Variants in ABCC1 observed in about 807,000 individuals in gnomAD.
ABCC1 encodes the protein multidrug resistance-associated protein 1.
Under a neutral mutation model 172.9 loss-of-function variants are expected in ABCC1, and 83 were observed. The ratio of observed to expected loss-of-function variants is 0.48; its 90% CI spans 0.40 to 0.58. ABCC1 has a LOEUF of 0.58. Ranked by LOEUF, ABCC1 falls within the 20% of genes least tolerant of loss-of-function variation. The pLI is 0.00. For synonymous variants in ABCC1, 937 were observed against 825.2 expected, an observed-to-expected ratio of 1.14 and a Z score of -2.32; for missense variants, 1,817 against 2,002.7, an observed-to-expected ratio of 0.91 and a Z score of 1.77.
At chr16:15,981,086 A>G (rs796966743) in intron 1 of ABCC1, among the ~76,000 whole-genome samples, 18 of 152,332 alleles carry the variant, frequency 1.2e-4, no homozygotes, top group African/African-American at 4.3e-4. Context: ...GGTCATGCTT[A>G]TGCGAGAGGT....
At chr16:15,955,815 C>G (rs183817400) in intron 1 of ABCC1, among the ~76,000 whole-genome samples, 2 of 152,264 alleles carry the variant, frequency 1.3e-5, no homozygotes, top group East Asian at 1.9e-4. Flanking sequence ...ACCAAAAGAT[C>G]GGCTCCATAG....
intron 5 of ABCC1, among the ~76,000 whole-genome samples, chr16:16,028,558 G>C (rs79314289): frequency 5.9e-5 from 9 of 152,028 alleles, no homozygotes; most frequent in Non-Finnish European, 1.3e-4. Flanking sequence ...TAACCCACCC[G>C]CCGACTGTGG....
intron 15 of ABCC1, among the ~76,000 whole-genome samples, chr16:16,078,724 C>A (rs1405439728): frequency 6.6e-6 from 1 of 152,152 alleles, no homozygotes; most frequent in African/African-American, 2.4e-5. Context: ...TTGCCCAGAT[C>A]GGAGTGCAGT....
chr16:16,088,613 A>G (rs1034647006), intron 18 of ABCC1, among the ~76,000 whole-genome samples: 2 of 152,250 alleles, frequency 1.3e-5, no homozygotes, highest in Non-Finnish European at 2.9e-5. Flanking sequence ...GAAGAAATCT[A>G]AACAGGAAGA....
chr16:16,095,770 C>A (rs1378074377), intron 19 of ABCC1, among the ~76,000 whole-genome samples: 3 of 152,034 alleles, frequency 2.0e-5, no homozygotes, highest in African/African-American at 7.2e-5. Flanking sequence ...AAGCGATCCT[C>A]CCACCTTGAC....
In ABCC1 at chr16:15,954,583, A is replaced by C. The variant is rs939912938; in HGVS notation, c.48+4784A>C. On this transcript the variant is annotated intron_variant, in intron 1 of 30. Transcript: ENST00000399410. Reference sequence around the variant, plus strand: ...GAGTGGACTCAGGGGTTCCTGGTCCAAATGGGTTCGTGATTCAGGCCAATC... The same window carrying C: ...GAGTGGACTCAGGGGTTCCTGGTCCCAATGGGTTCGTGATTCAGGCCAATC... Among the ~76,000 whole-genome samples, 10 of 152,160 alleles carry C rather than the reference A, an allele frequency of 6.6e-5. 1 individual carries two copies. The highest frequency in any genetic ancestry group is 6.5e-4 in the Admixed American group (10 of 15,270).
At position 16,106,898 on chromosome 16, in the gene ABCC1, A is replaced by G. The variant is rs2052145119; in HGVS notation, c.2871+25A>G. On this transcript the variant is annotated intron_variant, in intron 21 of 30. Coordinates refer to ENST00000399410, the MANE Select transcript of ABCC1 (RefSeq NM_004996.4). ...GGTGAGATTCGCTCCTTAAGTGATG[A>G]CAGTGGCTGGAGTTTATAGAGCGCC... 4 of 1,613,738 alleles carry G rather than the reference A, an allele frequency of 2.5e-6. No homozygotes were observed. The East Asian group carries it at 8.9e-5, about 36-fold the overall frequency.
Position 16,083,529 on chromosome 16 carries a change from A to C in ABCC1, c.2279A>C (p.Glu760Ala). ...ATCCTGCCCAGTGGGGATCGGACAG[A>C]GATTGGCGAGAAGGTCAGTATAGGT... ...LEILPSGDRT[E>A]IGEKGVNLSG... The change falls in exon 17 of 31, where the codon GAG (glutamate) becomes GCG (alanine). Residue 760 changes from glutamate to alanine, a missense_variant. Glu to Ala is a moderately radical substitution (Grantham distance 107). Around this residue, in one of 3 missense-constraint regions of ABCC1, gnomAD observed 1,412 missense variants for 1,600.3 expected, o/e 0.88. Coordinates refer to ENST00000399410, the MANE Select transcript of ABCC1 (RefSeq NM_004996.4). 6.2e-7 allele frequency: 1 copy of C among 1,613,010 alleles called. No homozygotes were observed. The highest frequency in any genetic ancestry group is 8.5e-7 in the Non-Finnish European group (1 of 1,179,596).
At chr16:16,067,175 G>A (rs1192821854) in intron 12 of ABCC1, among the ~76,000 whole-genome samples, 2 of 152,124 alleles carry the variant, frequency 1.3e-5, no homozygotes, top group African/African-American at 2.4e-5. Context: ...GCTTGAGCCC[G>A]GGAGGTCGAG....
intron 1 of ABCC1, among the ~76,000 whole-genome samples, chr16:15,954,469 G>A (rs185246533): frequency 1.6e-4 from 24 of 152,270 alleles, no homozygotes; most frequent in Admixed American, 2.6e-4. Context: ...TGGACACTGA[G>A]GTCCAGGATG....
chr16:16,113,653 C>G (rs1195015876), intron 22 of ABCC1, among the ~76,000 whole-genome samples: 1 of 152,066 alleles, frequency 6.6e-6, no homozygotes, highest in African/African-American at 2.4e-5. Context: ...AGAGAGACCC[C>G]ATCTCAAAAG....
At chr16:16,084,940 GTATGTTGGGAAC>G (rs1190328886) in intron 17 of ABCC1, among the ~76,000 whole-genome samples, 2 of 152,114 alleles carry the variant, frequency 1.3e-5, no homozygotes, top group African/African-American at 4.8e-5. Context: ...AGTATTTTCT[GTATGTTGGGAAC>G]TATGCTAAAC....
intron 1 of ABCC1, among the ~76,000 whole-genome samples, chr16:15,967,743 G>A (rs1287806473): frequency 7.3e-6 from 1 of 136,350 alleles, no homozygotes; most frequent in Non-Finnish European, 1.5e-5. Context: ...CTGGACAACA[G>A]CATGGCACTG....
At chr16:16,101,998 T>C (rs1197160449) in intron 19 of ABCC1, among the ~76,000 whole-genome samples, 1 of 152,178 alleles carries the variant, frequency 6.6e-6, no homozygotes. Flanking sequence ...GAAGCTCACC[T>C]GGTTGTTGGC....
chr16:15,973,624 TTCAAGGTCCATTC>T lies in ABCC1; in HGVS notation c.48+23831_48+23843del, dbSNP rs574255087. 1.8e-3 allele frequency among the ~76,000 whole-genome samples: 278 copies of T among 152,200 alleles called. 1 individual carries two copies. The highest frequency in any genetic ancestry group is 6.6e-3 in the African/African-American group (275 of 41,514). On this transcript the variant is annotated intron_variant, in intron 1 of 30. Transcript: ENST00000399410. ...CAATGGTGTAGCCTGCTTGTTGGTT[TTCAAGGTCCATTC>T]TCAAGATACTATCAGATCTCCAGCA...
At chr16:16,109,979 T>TCTC (rs1420838103) in intron 21 of ABCC1, among the ~76,000 whole-genome samples, 2 of 152,260 alleles carry the variant, frequency 1.3e-5, no homozygotes, top group East Asian at 1.9e-4. Context: ...TGCCCCATGA[T>TCTC]CTCCTGGCTC....
intron 12 of ABCC1, among the ~76,000 whole-genome samples, chr16:16,060,318 C>T (rs2049858030): frequency 6.6e-6 from 1 of 152,134 alleles, no homozygotes. Context: ...GGGTTCTTTC[C>T]CACTGAGTTA....
rs1225667299 is a variant in ABCC1, at chr16:16,090,577, C to T, written c.2633C>T (p.Ala878Val). The change falls in exon 19 of 31, where the codon GCA becomes GTA. Residue 878 changes from alanine to valine, a missense_variant. Transcript: ENST00000399410. Reference protein sequence around the residue: ...TYASTEQEQDAEENGVTGVSG... With the variant: ...TYASTEQEQDVEENGVTGVSG... ...GCCAGCACAGAGCAGGAGCAGGATG[C>T]AGAGGAGAACGGTAGGGGCAGCCCC... The T allele has an allele frequency of 1.3e-6, 2 of 1,596,454 alleles. No homozygotes were observed. The highest frequency in any genetic ancestry group is 1.7e-6 in the Non-Finnish European group (2 of 1,167,872).
intron 1 of ABCC1, among the ~76,000 whole-genome samples, chr16:15,960,203 C>T (rs1409046609): frequency 6.6e-6 from 1 of 152,132 alleles, no homozygotes; most frequent in Non-Finnish European, 1.5e-5. Flanking sequence ...AACTCACCCT[C>T]CCAAGTAGCT....
Sources: allele counts gnomAD v4.1 joint callset (sites outside exome capture counted in the v4.1 genomes callset), GRCh38; gene constraint gnomAD v4.1.1; regional missense constraint gnomAD v4.1.1; transcripts MANE v1.5; gene names NCBI Gene and HGNC (gene_info 2026-07-23, HGNC 2026-07-21).